IFT80: variants seen among roughly 807,000 people sequenced by gnomAD.
IFT80 encodes the protein intraflagellar transport protein 80 homolog.
IFT80 carries 79 observed loss-of-function variants against 107.9 expected under a neutral mutation model. That is an observed-to-expected ratio of 0.73 (90% confidence interval 0.61 to 0.88). The LOEUF is 0.88. Ranked by LOEUF, IFT80 falls within the 40% of genes least tolerant of loss-of-function variation. The pLI, the probability that IFT80 is intolerant of heterozygous loss-of-function variation, is 0.00. For synonymous variants in IFT80, 299 were observed against 300.9 expected (o/e 0.99, Z 0.07); for missense variants, 797 against 914.2 (o/e 0.87, Z 1.65).
At chr3:160,396,346 CAT>C (rs138220879) in intron 1 of IFT80, among the ~76,000 whole-genome samples, 26,969 of 151,892 alleles carry the variant, frequency 0.18, 2,858 homozygotes, top group Non-Finnish European at 0.23. Context: ...TACATAAATT[CAT>C]ATTAGTTAAT....
At chr3:160,307,957 A>G (rs1272715800) in intron 9 of IFT80, among the ~76,000 whole-genome samples, 176 bp from the exon 10 acceptor site, 1 of 152,192 alleles carries the variant, frequency 6.6e-6, no homozygotes, top group Non-Finnish European at 1.5e-5. Flanking sequence ...TTAAAAAACC[A>G]ACTGACAAAG....
rs151058739 is a variant in IFT80, at chr3:160,334,690, C to G, written c.778-14751G>C. On this transcript the variant is annotated intron_variant, in intron 8 of 19. Coordinates refer to ENST00000326448, the MANE Select transcript of IFT80 (RefSeq NM_020800.3). ...TCAGCATCCCAAAGTGCTGGGATTACAGGCGTGGGCCACTGTGCCCAGCTC... is the reference window on the plus strand; with the variant it reads ...TCAGCATCCCAAAGTGCTGGGATTAGAGGCGTGGGCCACTGTGCCCAGCTC... Among the ~76,000 whole-genome samples, 683 of 152,276 alleles carry G rather than the reference C, an allele frequency of 4.5e-3. 5 individuals are homozygous for G. The highest frequency in any genetic ancestry group is 0.016 in the African/African-American group (655 of 41,564).
intron 19 of IFT80, among the ~76,000 whole-genome samples, chr3:160,259,274 C>A (rs1469924414): frequency 6.6e-6 from 1 of 152,106 alleles, no homozygotes; most frequent in Non-Finnish European, 1.5e-5. Flanking sequence ...TCCCATGGAG[C>A]CTTAGGATTG....
intron 1 of IFT80, among the ~76,000 whole-genome samples, chr3:160,384,960 G>T (rs1389493235): frequency 6.6e-6 from 1 of 152,140 alleles, no homozygotes; most frequent in Admixed American, 6.5e-5. Context: ...CCACAAACTG[G>T]GAACTCTTCA....
At chr3:160,379,320 T>C (rs1023114742) in intron 3 of IFT80, among the ~76,000 whole-genome samples, 3 of 152,182 alleles carry the variant, frequency 2.0e-5, no homozygotes, top group African/African-American at 7.2e-5. Flanking sequence ...AAAAACAATA[T>C]GTTATCCTAT....
chr3:160,264,353 C>T (rs1417821524), intron 19 of IFT80, among the ~76,000 whole-genome samples: 1 of 151,834 alleles, frequency 6.6e-6, no homozygotes, highest in East Asian at 1.9e-4. Context: ...AAGCAATCCT[C>T]CCACCTCAGC....
At chr3:160,354,224 T>C (rs1225110403) in intron 8 of IFT80, among the ~76,000 whole-genome samples, 1 of 152,210 alleles carries the variant, frequency 6.6e-6, no homozygotes, top group Non-Finnish European at 1.5e-5. Context: ...TGGGATGATC[T>C]AACATCCTGA....
chr3:160,318,264 T>G, intron 9 of IFT80, among the ~76,000 whole-genome samples: 1 of 151,938 alleles, frequency 6.6e-6, no homozygotes, highest in East Asian at 1.9e-4. Context: ...AAAGAAAAAG[T>G]ATAATATACC....
At chr3:160,335,703 A>G (rs1362300278) in intron 8 of IFT80, among the ~76,000 whole-genome samples, 1 of 152,188 alleles carries the variant, frequency 6.6e-6, no homozygotes, top group Admixed American at 6.5e-5. Flanking sequence ...CATCCTTTTA[A>G]AATATAGAAT....
chr3:160,278,642 C>A (rs533151047), intron 16 of IFT80, among the ~76,000 whole-genome samples: 49 of 152,096 alleles, frequency 3.2e-4, no homozygotes, highest in African/African-American at 1.1e-3. Context: ...GGGTATTTAC[C>A]CCAGACAATG....
intron 3 of IFT80, among the ~76,000 whole-genome samples, chr3:160,378,212 A>C (rs746923723): frequency 6.6e-6 from 1 of 151,410 alleles, no homozygotes; most frequent in Non-Finnish European, 1.5e-5. Context: ...CTTCTCCTTT[A>C]TACCTTTTCC....
intron 8 of IFT80, among the ~76,000 whole-genome samples, chr3:160,324,646 A>G (rs907528622): frequency 1.3e-5 from 2 of 152,132 alleles, no homozygotes; most frequent in Admixed American, 1.3e-4. Context: ...AATAAGAGCT[A>G]TCTATGACAA....
At chr3:160,302,125 A>G (rs1184495589) in intron 11 of IFT80, among the ~76,000 whole-genome samples, 1 of 152,002 alleles carries the variant, frequency 6.6e-6, no homozygotes, top group Non-Finnish European at 1.5e-5. Context: ...TGCTGAAGAC[A>G]TTATTACTTT....
At chr3:160,308,354 G>A (rs1463429450) in intron 9 of IFT80, among the ~76,000 whole-genome samples, 1 of 152,030 alleles carries the variant, frequency 6.6e-6, no homozygotes, top group Non-Finnish European at 1.5e-5. Flanking sequence ...AAGCCAAGCA[G>A]CAACTAACAG....
chr3:160,350,825 C>T (rs1003275972), intron 8 of IFT80, among the ~76,000 whole-genome samples: 1 of 151,264 alleles, frequency 6.6e-6, no homozygotes, highest in Admixed American at 6.6e-5. Context: ...AAAAAAAAAA[C>T]GTATGTTACC....
intron 9 of IFT80, among the ~76,000 whole-genome samples, chr3:160,317,830 G>C: frequency 6.6e-6 from 1 of 151,908 alleles, no homozygotes; most frequent in East Asian, 1.9e-4. Context: ...GATAGAAGGG[G>C]ACTCTTCAGA....
rs549769036 is a variant in IFT80, at chr3:160,303,901, A to G, written c.1151+14T>C. 9 of 1,539,680 alleles carry G rather than the reference A, an allele frequency of 5.8e-6. No homozygotes were observed. In the Admixed American group the frequency reaches 1.0e-4, roughly 17 times the overall value. On this transcript the variant is annotated intron_variant, in intron 11 of 19. Transcript: ENST00000326448. ...TTTTAACCCCAGATCCAGTAGTTAA[A>G]CATAATAAATTACCTTTCTGCCTGC...
chr3:160,266,574 G>A (rs1432115673), intron 19 of IFT80, among the ~76,000 whole-genome samples: 2 of 151,848 alleles, frequency 1.3e-5, no homozygotes, highest in Non-Finnish European at 2.9e-5. Context: ...TGTACAGATG[G>A]GATCTCACTA....
intron 8 of IFT80, among the ~76,000 whole-genome samples, chr3:160,348,646 T>C (rs1720463426): frequency 6.6e-6 from 1 of 152,242 alleles, no homozygotes; most frequent in Non-Finnish European, 1.5e-5. Context: ...GTTCACACAT[T>C]CATAGCAGCA....
Sources: gnomAD v4.1 joint callset for allele counts (sites outside exome capture counted in the v4.1 genomes callset) on GRCh38, gnomAD v4.1.1 for gene constraint, MANE v1.5 for transcripts, NCBI Gene and HGNC (gene_info 2026-07-23, HGNC 2026-07-21) for gene names.